Variants in KANK1 observed in about 807,000 individuals in gnomAD.
The protein encoded by KANK1 is KN motif and ankyrin repeat domains 1, also known as KN motif and ankyrin repeat domain-containing protein 1.
A neutral mutation model predicts 106.2 loss-of-function variants in KANK1; 109 were observed. The observed-to-expected ratio is 1.03, with a 90% confidence interval of 0.88 to 1.20. The LOEUF is 1.20. KANK1 is among the 50% of genes most tolerant of loss of function. KANK1 has a pLI of 0.00. For missense variants in KANK1, 2,399 were observed against 1,710.7 expected (o/e 1.40, Z -7.10); for synonymous variants, 873 against 652.2 (o/e 1.34, Z -5.16).
At chr9:548,060 C>G (rs906983926) in intron 1 of KANK1, among the ~76,000 whole-genome samples, 3 of 152,054 alleles carry the variant, frequency 2.0e-5, no homozygotes, top group Non-Finnish European at 4.4e-5. Context: ...ATATGGTTTT[C>G]TATAGTTAGG....
Position 683,654 on chromosome 9 carries a change from C to T in KANK1, c.37+6645C>T, listed in dbSNP as rs12004485. Among the ~76,000 whole-genome samples the T allele has an allele frequency of 5.5e-3, 830 of 152,148 alleles. 7 individuals are homozygous for T. The highest frequency in any genetic ancestry group is 0.019 in the African/African-American group (769 of 41,500). ...TGTAGTTCAGAAAACTGCATAAAAC[C>T]CTAAAGTACAGTGTTTAAAAATAAA... is the stretch of plus-strand genomic sequence containing the variant. On this transcript the variant is annotated intron_variant, in intron 2 of 11. Transcript: ENST00000382297.
At chr9:668,300 AT>A (rs1008401468) in intron 1 of KANK1, among the ~76,000 whole-genome samples, 6 of 152,122 alleles carry the variant, frequency 3.9e-5, no homozygotes, top group African/African-American at 1.4e-4. Flanking sequence ...TGATCTGTTC[AT>A]TGGTGAAAAT....
At chr9:488,752 GT>G (rs1199244504) in intron 3 of KANK1, among the ~76,000 whole-genome samples, 4 of 152,280 alleles carry the variant, frequency 2.6e-5, no homozygotes, top group African/African-American at 9.6e-5. Context: ...ACTGCTGCCT[GT>G]TATGTACAAT....
At chr9:657,335 G>C (rs1279054273) in intron 1 of KANK1, among the ~76,000 whole-genome samples, 2 of 152,142 alleles carry the variant, frequency 1.3e-5, no homozygotes, top group Non-Finnish European at 2.9e-5. Context: ...AGTGAACATG[G>C]GGATGCAAAT....
At chr9:707,075 G>T (rs1824452576) in intron 2 of KANK1, 2 of 985,330 alleles carry the variant, frequency 2.0e-6, no homozygotes, top group South Asian at 4.7e-5. Context: ...GGGAGACCTC[G>T]CCGGTGAAAG....
chr9:663,849 T>G (rs1297925224), intron 1 of KANK1, among the ~76,000 whole-genome samples: 1 of 152,168 alleles, frequency 6.6e-6, no homozygotes, highest in East Asian at 1.9e-4. Flanking sequence ...ATGTTTACTT[T>G]CATGATGTAG....
chr9:609,794 A>C (rs1014178907), intron 1 of KANK1, among the ~76,000 whole-genome samples: 1 of 152,320 alleles, frequency 6.6e-6, no homozygotes, highest in East Asian at 1.9e-4. Context: ...GTTTGGAACT[A>C]TGGCAAAATT....
At chr9:517,597 C>T (rs557344734) in intron 1 of KANK1, among the ~76,000 whole-genome samples, 4 of 151,656 alleles carry the variant, frequency 2.6e-5, no homozygotes, top group South Asian at 2.1e-4. Context: ...AGCTTTTTCA[C>T]ACTTTCTAGA....
chr9:514,133 TCCCTCCCTC>T (rs2059158502), intron 1 of KANK1, among the ~76,000 whole-genome samples: 3 of 73,508 alleles, frequency 4.1e-5, no homozygotes, highest in African/African-American at 1.7e-4. Flanking sequence ...TCTCTCTCCC[TCCCTCCCTC>T]CCTTCCTCTC....
chr9:566,311 G>C (rs1458628757), intron 1 of KANK1, among the ~76,000 whole-genome samples: 1 of 152,168 alleles, frequency 6.6e-6, no homozygotes, highest in South Asian at 2.1e-4. Flanking sequence ...TAGTGCTGCA[G>C]TGAGCATATG....
chr9:549,393 C>CTA (rs896812799), intron 1 of KANK1: 52 of 152,446 alleles, frequency 3.4e-4, no homozygotes, highest in African/African-American at 1.2e-3. Flanking sequence ...CTCCAGCTTG[C>CTA]TAGTGAGAAT....
At chr9:560,273 G>C (rs934899074) in intron 1 of KANK1, among the ~76,000 whole-genome samples, 5 of 152,200 alleles carry the variant, frequency 3.3e-5, no homozygotes, top group African/African-American at 1.2e-4. Context: ...GTTTCATTAA[G>C]TTCTTAGGAT....
In KANK1 at chr9:732,472, G is replaced by C. The variant is rs768201764; in HGVS notation, c.3100G>C (p.Glu1034Gln). Residue 1034 changes from glutamate to glutamine, a missense_variant, in exon 6 of 12, where the codon GAA becomes CAA. Physicochemically the swap from Glu to Gln is conservative, Grantham distance 29. Coordinates refer to ENST00000382297, the MANE Select transcript of KANK1 (RefSeq NM_015158.5). ...ECDVIEYPLE[E>Q]EEEEEDEDTR... The stretch of plus-strand genomic sequence containing the variant: ...TGATGTCATTGAGTATCCTCTTGAA[G>C]AAGAGGAGGAGGAGGAGGATGAAGA... 1.2e-5 allele frequency: 19 copies of C among 1,613,932 alleles called. No individual in the cohort carries two copies. The African/African-American group carries it at 1.9e-4, about 16-fold the overall frequency.
intron 1 of KANK1, among the ~76,000 whole-genome samples, chr9:606,253 A>T (rs1016842583): frequency 6.6e-6 from 1 of 151,178 alleles, no homozygotes; most frequent in African/African-American, 2.5e-5. Context: ...TTAAAAATAT[A>T]TATTTTTAGA....
chr9:487,042 C>A (rs549060575), intron 3 of KANK1, among the ~76,000 whole-genome samples: 190 of 152,056 alleles, frequency 1.2e-3, no homozygotes, highest in African/African-American at 4.4e-3. Flanking sequence ...GAAAGTAAGA[C>A]CTGGAAGTTA....
At chr9:690,667 C>T (rs1001590897) in intron 2 of KANK1, among the ~76,000 whole-genome samples, 1 of 152,160 alleles carries the variant, frequency 6.6e-6, no homozygotes, top group African/African-American at 2.4e-5. Flanking sequence ...ATTCAGGCCA[C>T]CACTCACTAC....
chr9:554,366 C>G (rs1345168054), intron 1 of KANK1, among the ~76,000 whole-genome samples: 1 of 152,144 alleles, frequency 6.6e-6, no homozygotes, highest in East Asian at 1.9e-4. Context: ...TTTGCCTTTC[C>G]TCTCCCTTTT....
rs964088829 is a variant in KANK1 at position 478,922 on chromosome 9, T to C, written c.-362+5649T>C. Among the ~76,000 whole-genome samples, 26 of 78,396 alleles carry C rather than the reference T, an allele frequency of 3.3e-4. No homozygotes were observed. The Admixed American group carries it at 3.3e-3, about 10-fold the overall frequency. 51.4% of individuals were successfully genotyped at this position (78,396 alleles called of 152,430 possible). A position where few individuals can be genotyped will look rare whatever the true frequency, so the allele number is the denominator to read the frequency against. On this transcript the variant is annotated intron_variant, in intron 3 of 15. Coordinates refer to the KANK1 transcript ENST00000382303. ...CTCTACCACGCTAAACATCCATTAC[T>C]TTTTTTTTTTTTTTTTTGAGAGTTT... is the stretch of plus-strand genomic sequence containing the variant.
intron 1 of KANK1, among the ~76,000 whole-genome samples, chr9:577,478 G>A (rs1420600184): frequency 6.8e-6 from 1 of 146,368 alleles, no homozygotes; most frequent in Non-Finnish European, 1.5e-5. Flanking sequence ...GCTAGACACA[G>A]AGTGCTAATT....
Sources: allele counts gnomAD v4.1 joint callset (sites outside exome capture counted in the v4.1 genomes callset), GRCh38; gene constraint gnomAD v4.1.1; transcripts MANE v1.5; gene names NCBI Gene and HGNC (gene_info 2026-07-23, HGNC 2026-07-21).